The following COLGALT2 variants were observed in gnomAD, a reference collection of about 807,000 sequenced individuals.
COLGALT2 encodes the protein collagen beta(1-O)galactosyltransferase 2.
A neutral mutation model predicts 73.4 loss-of-function variants in COLGALT2; 49 were observed. That is an observed-to-expected ratio of 0.67 (90% CI 0.53 to 0.85). The LOEUF (loss-of-function observed/expected upper bound fraction) is 0.85, where lower values mean the gene tolerates loss of function less well. Among genes scored for constraint, COLGALT2 ranks in the 40% least tolerant of loss-of-function variants. The pLI is 0.00. For synonymous variants in COLGALT2, 295 were observed against 307.6 expected (o/e 0.96, Z 0.43); for missense variants, 722 against 790.2 (o/e 0.91, Z 1.03).
At chr1:183,935,203 TCCTC>T (rs1357399749), downstream of COLGALT2, among the ~76,000 whole-genome samples, 1 of 152,174 alleles carries the variant, frequency 6.6e-6, no homozygotes, top group Admixed American at 6.5e-5. Context: ...GCCCTGACAG[TCCTC>T]CTCTGCCCAT....
At chr1:183,983,504 CAG>C (rs1671408570) in intron 1 of COLGALT2, among the ~76,000 whole-genome samples, 1 of 152,190 alleles carries the variant, frequency 6.6e-6, no homozygotes, top group South Asian at 2.1e-4. Flanking sequence ...GAGGGTTGGA[CAG>C]AGAGAGATAC....
intron 1 of COLGALT2, among the ~76,000 whole-genome samples, chr1:184,016,845 A>T (rs1168211123): frequency 6.6e-6 from 1 of 152,236 alleles, no homozygotes; most frequent in Non-Finnish European, 1.5e-5. Flanking sequence ...CTGTTAATTT[A>T]CTTCCTTATA....
At chr1:184,005,721 C>T (rs1032159374) in intron 1 of COLGALT2, among the ~76,000 whole-genome samples, 1 of 152,110 alleles carries the variant, frequency 6.6e-6, no homozygotes, top group Admixed American at 6.5e-5. Context: ...TGATAGAACT[C>T]GACTTATTCC....
intron 1 of COLGALT2, among the ~76,000 whole-genome samples, chr1:183,994,328 G>A (rs549941626): frequency 6.1e-4 from 92 of 151,882 alleles, no homozygotes; most frequent in Non-Finnish European, 1.1e-3. Flanking sequence ...ATGAGCCACC[G>A]CACCTGGCCT....
At chr1:183,991,971 G>A (rs1444773376) in intron 1 of COLGALT2, among the ~76,000 whole-genome samples, 1 of 152,102 alleles carries the variant, frequency 6.6e-6, no homozygotes, top group Non-Finnish European at 1.5e-5. Context: ...TCCTGGGAGA[G>A]GAGCATGCAT....
intron 1 of COLGALT2, among the ~76,000 whole-genome samples, chr1:183,985,365 C>G (rs189368695): frequency 6.6e-6 from 1 of 152,184 alleles, no homozygotes; most frequent in Non-Finnish European, 1.5e-5. Flanking sequence ...CTCCACCTCC[C>G]GGGTTCAAGT....
intron 1 of COLGALT2, among the ~76,000 whole-genome samples, chr1:183,996,607 A>G (rs1017119084): frequency 1.3e-5 from 2 of 152,204 alleles, no homozygotes; most frequent in African/African-American, 4.8e-5. Context: ...CACCTCGTGA[A>G]CAAAGGCCTG....
intron 1 of COLGALT2, among the ~76,000 whole-genome samples, chr1:183,987,513 G>A (rs1485310427): frequency 5.9e-5 from 9 of 152,230 alleles, no homozygotes; most frequent in Admixed American, 3.3e-4. Context: ...AGCTTGCCAT[G>A]CTTCCAGCAC....
rs186632665 is a variant in COLGALT2, at chr1:184,009,810, C to T, written c.263+27285G>A. 7.6e-4 allele frequency among the ~76,000 whole-genome samples: 116 copies of T among 152,322 alleles called. 1 individual carries two copies. The highest frequency in any genetic ancestry group is 2.7e-3 in the African/African-American group (111 of 41,576). On this transcript the variant is annotated intron_variant, in intron 1 of 11. Transcript: ENST00000361927. Reference sequence around the variant, plus strand: ...TTATGGTATTTTAAAAATCTGACTTCTCTTCCTGCCTCTTGGTCATAATTT... The same window carrying T: ...TTATGGTATTTTAAAAATCTGACTTTTCTTCCTGCCTCTTGGTCATAATTT...
At chr1:183,963,830 G>A (rs2102807499) in intron 6 of COLGALT2, 71 bp downstream of exon 6, 1 of 1,392,778 alleles carries the variant, frequency 7.2e-7, no homozygotes, top group East Asian at 2.6e-5. Context: ...CCTGGAAGAG[G>A]AGGGAAGTGG....
At chr1:183,964,070 G>A in intron 5 of COLGALT2, 50 bp from the exon 6 acceptor site, 1 of 1,600,206 alleles carries the variant, frequency 6.2e-7, no homozygotes, top group Non-Finnish European at 8.5e-7. Context: ...ACATACTGCT[G>A]AGTGACAAGC....
intron 1 of COLGALT2, 101 bp downstream of exon 1, chr1:184,036,994 A>G (rs74767794): frequency 0.31 from 317,606 of 1,030,670 alleles, 49,865 homozygotes; most frequent in East Asian, 0.44. Flanking sequence ...CCGCCCCTCC[A>G]GCGGCTCCCT....
chr1:183,965,880 T>C (rs1414090484), intron 5 of COLGALT2, among the ~76,000 whole-genome samples: 3 of 152,204 alleles, frequency 2.0e-5, no homozygotes, highest in African/African-American at 7.2e-5. Context: ...ACCATCAATC[T>C]GTTTGAAATT....
At chr1:183,967,946 C>T (rs1007578960) in intron 5 of COLGALT2, among the ~76,000 whole-genome samples, 1 of 152,210 alleles carries the variant, frequency 6.6e-6, no homozygotes, top group Non-Finnish European at 1.5e-5. Flanking sequence ...CTCCAGCAGC[C>T]AAGGGGGAAA....
intron 2 of COLGALT2, among the ~76,000 whole-genome samples, chr1:183,975,686 G>A (rs190146414): frequency 6.6e-6 from 1 of 152,302 alleles, no homozygotes; most frequent in East Asian, 1.9e-4. Flanking sequence ...TCTACTTGTT[G>A]GAGTCTCCAC....
intron 1 of COLGALT2, among the ~76,000 whole-genome samples, chr1:184,036,541 C>G (rs1374839532): frequency 6.6e-6 from 1 of 152,104 alleles, no homozygotes; most frequent in Non-Finnish European, 1.5e-5. Context: ...CCAGGTCCCC[C>G]TAGGAGAGCT....
At chr1:184,002,326 T>TA (rs1380457408) in intron 1 of COLGALT2, among the ~76,000 whole-genome samples, 1 of 152,194 alleles carries the variant, frequency 6.6e-6, no homozygotes, top group African/African-American at 2.4e-5. Flanking sequence ...TGCCAGGAAA[T>TA]AAACTCATGG....
intron 1 of COLGALT2, among the ~76,000 whole-genome samples, chr1:183,988,178 A>G (rs1286598517): frequency 2.0e-5 from 3 of 152,210 alleles, no homozygotes; most frequent in Non-Finnish European, 4.4e-5. Flanking sequence ...GCAAGATGTA[A>G]CTAATTCTCT....
intron 1 of COLGALT2, among the ~76,000 whole-genome samples, chr1:183,997,530 A>G (rs918902088): frequency 6.6e-6 from 1 of 152,204 alleles, no homozygotes; most frequent in African/African-American, 2.4e-5. Flanking sequence ...GTCTTGGGCT[A>G]CACATAAAAT....
Sources: allele counts gnomAD v4.1 joint callset (sites outside exome capture counted in the v4.1 genomes callset), GRCh38; gene constraint gnomAD v4.1.1; transcripts MANE v1.5; gene names NCBI Gene and HGNC (gene_info 2026-07-23, HGNC 2026-07-21).